Variants in LRRC4C observed in about 807,000 individuals in gnomAD.
The protein encoded by LRRC4C is leucine-rich repeat-containing protein 4C.
A neutral mutation model predicts 33.6 loss-of-function variants in LRRC4C; 5 were observed. The ratio of observed to expected loss-of-function variants is 0.15; its 90% CI spans 0.08 to 0.31. The LOEUF is 0.31. Ranked by LOEUF, LRRC4C falls within the 10% of genes least tolerant of loss-of-function variation. LRRC4C has a pLI of 1.00. For synonymous variants in LRRC4C, 329 were observed against 302.0 expected, an observed-to-expected ratio of 1.09 and a Z score of -0.93; for missense variants, 560 against 796.7, an observed-to-expected ratio of 0.70 and a Z score of 3.58.
At chr11:41,401,031 A>G (rs534174716) in intron 1 of LRRC4C, among the ~76,000 whole-genome samples, 17 of 151,962 alleles carry the variant, frequency 1.1e-4, no homozygotes, top group African/African-American at 3.6e-4. Context: ...TTTGGCAGAC[A>G]CCCAAGAAAT....
At chr11:41,148,323 TG>T (rs746263375) in intron 1 of LRRC4C, among the ~76,000 whole-genome samples, 19 of 152,076 alleles carry the variant, frequency 1.2e-4, no homozygotes, top group Non-Finnish European at 2.6e-4. Context: ...CCCTAGTGGT[TG>T]AGGCTGCAGT....
chr11:40,710,416 CTGTT>C (rs1946403583), intron 2 of LRRC4C, among the ~76,000 whole-genome samples: 1 of 152,170 alleles, frequency 6.6e-6, no homozygotes, highest in African/African-American at 2.4e-5. Context: ...CTATTCCTTT[CTGTT>C]TGTTAGTTTT....
At chr11:40,651,553 A>G (rs542877099) in intron 2 of LRRC4C, among the ~76,000 whole-genome samples, 32 of 152,320 alleles carry the variant, frequency 2.1e-4, no homozygotes, top group Admixed American at 6.5e-4. Flanking sequence ...GAGATCCTCT[A>G]TAAGCTAGGT....
rs76893701 is a variant in LRRC4C, at chr11:41,061,783, C to T, written c.-495-128060G>A. Among the ~76,000 whole-genome samples, 551 of 152,258 alleles carry T rather than the reference C, an allele frequency of 3.6e-3. 5 individuals carry two copies. Among genetic ancestry groups the T allele is most frequent in the African/African-American group, 0.012 (493 of 41,534 alleles). ...AGATTCACGTTTGTCCATTTGGATG[C>T]TTCCTTTAGAATTGACAAGCCCAAA... On this transcript the variant is annotated intron_variant, in intron 1 of 6. Transcript: ENST00000528697.
At position 40,725,010 on chromosome 11, in the gene LRRC4C, A is replaced by G. The variant is rs1484745948; in HGVS notation, c.-406-76732T>C. ...CCTCCCTTACTTTCTTGCCTCCCTT[A>G]ACAAGCTGACCCATGTAATGCAGGA... On this transcript the variant is annotated intron_variant, in intron 2 of 6. Coordinates refer to ENST00000528697, the MANE Select transcript of LRRC4C (RefSeq NM_001258419.2). 3.3e-5 allele frequency among the ~76,000 whole-genome samples: 5 copies of G among 152,270 alleles called. No individual in the cohort carries two copies. In the East Asian group the frequency reaches 9.7e-4, roughly 29 times the overall value.
intron 1 of LRRC4C, among the ~76,000 whole-genome samples, chr11:41,430,125 T>G (rs1369529381): frequency 6.6e-6 from 1 of 152,174 alleles, no homozygotes; most frequent in African/African-American, 2.4e-5. Context: ...TTAATCTTTA[T>G]GTATCTCAAT....
chr11:40,241,258 C>T (rs943036726), intron 5 of LRRC4C, among the ~76,000 whole-genome samples: 4 of 151,948 alleles, frequency 2.6e-5, no homozygotes, highest in Non-Finnish European at 2.9e-5. Context: ...AGTGCACACC[C>T]GTGGTGCTAG....
At chr11:40,638,323 T>C (rs1031838064) in intron 3 of LRRC4C, among the ~76,000 whole-genome samples, 1 of 152,194 alleles carries the variant, frequency 6.6e-6, no homozygotes, top group African/African-American at 2.4e-5. Context: ...GAGTGCTCAA[T>C]AAACATTTGT....
At chr11:40,682,841 A>G (rs1424333684) in intron 2 of LRRC4C, among the ~76,000 whole-genome samples, 1 of 152,134 alleles carries the variant, frequency 6.6e-6, no homozygotes, top group Non-Finnish European at 1.5e-5. Flanking sequence ...TCACAGACCT[A>G]TAGTCTGATA....
intron 1 of LRRC4C, among the ~76,000 whole-genome samples, chr11:41,020,145 G>C (rs1855861589): frequency 6.6e-6 from 1 of 151,934 alleles, no homozygotes; most frequent in Non-Finnish European, 1.5e-5. Flanking sequence ...TCCCCTAATG[G>C]TTTTATTGTT....
At chr11:40,880,045 T>C (rs922981129) in intron 2 of LRRC4C, among the ~76,000 whole-genome samples, 2 of 152,034 alleles carry the variant, frequency 1.3e-5, no homozygotes, top group African/African-American at 4.8e-5. Context: ...TCTGTCTGGA[T>C]CTCTTCGGAC....
intron 5 of LRRC4C, among the ~76,000 whole-genome samples, chr11:40,154,889 CCACAGGATACACATT>C (rs1341572240): frequency 6.6e-6 from 1 of 152,120 alleles, no homozygotes; most frequent in Non-Finnish European, 1.5e-5. Context: ...CATCCAACAA[CCACAGGATACACATT>C]CTATTTAACA....
At chr11:40,656,054 C>G (rs1245578603) in intron 2 of LRRC4C, among the ~76,000 whole-genome samples, 1 of 152,044 alleles carries the variant, frequency 6.6e-6, no homozygotes, top group Non-Finnish European at 1.5e-5. Flanking sequence ...AGGTCCCTCC[C>G]CCAACATTGG....
intron 5 of LRRC4C, among the ~76,000 whole-genome samples, chr11:40,157,545 A>G (rs1858805337): frequency 1.3e-5 from 2 of 152,146 alleles, no homozygotes; most frequent in African/African-American, 4.8e-5. Flanking sequence ...TCTACCACAA[A>G]CTCATACAAA....
chr11:40,174,325 C>A (rs982681345), intron 5 of LRRC4C, among the ~76,000 whole-genome samples: 9 of 152,156 alleles, frequency 5.9e-5, no homozygotes, highest in Non-Finnish European at 8.8e-5. Flanking sequence ...GACCACTGAA[C>A]TAGTCTTCAC....
intron 2 of LRRC4C, among the ~76,000 whole-genome samples, chr11:40,791,458 A>G (rs955148456): frequency 6.6e-6 from 1 of 152,176 alleles, no homozygotes; most frequent in African/African-American, 2.4e-5. Context: ...ATAATCTTCT[A>G]CATACAGGCT....
chr11:40,545,314 A>T (rs1956869558), intron 3 of LRRC4C, among the ~76,000 whole-genome samples: 1 of 152,090 alleles, frequency 6.6e-6, no homozygotes, highest in African/African-American at 2.4e-5. Context: ...GGAATTAATA[A>T]CTGAATGAAC....
chr11:40,876,719 T>A (rs1434325934), intron 2 of LRRC4C, among the ~76,000 whole-genome samples: 5 of 151,466 alleles, frequency 3.3e-5, no homozygotes, highest in Admixed American at 1.3e-4. Context: ...ACTGGCCAAC[T>A]TGGTGAAACC....
chr11:40,613,076 T>C (rs1961398443), intron 3 of LRRC4C, among the ~76,000 whole-genome samples: 1 of 151,902 alleles, frequency 6.6e-6, no homozygotes, highest in Admixed American at 6.6e-5. Flanking sequence ...TCAATATTGA[T>C]GCTTGCTGAC....
Sources: gnomAD v4.1 joint callset for allele counts (sites outside exome capture counted in the v4.1 genomes callset) on GRCh38, gnomAD v4.1.1 for gene constraint, MANE v1.5 for transcripts, NCBI Gene and HGNC (gene_info 2026-07-23, HGNC 2026-07-21) for gene names.